The following ODAD2 variants were observed in gnomAD, a reference collection of about 807,000 sequenced individuals.
ODAD2 encodes the protein outer dynein arm docking complex subunit 2.
Under a neutral mutation model 106.8 loss-of-function variants are expected in ODAD2, and 89 were observed. That is an observed-to-expected ratio of 0.83 (90% CI 0.70 to 0.99). ODAD2 has a LOEUF of 0.99. Ranked by LOEUF, ODAD2 falls within the 50% of genes least tolerant of loss-of-function variation. ODAD2 has a pLI of 0.00. For synonymous variants in ODAD2, 404 were observed against 436.2 expected (o/e 0.93, Z 0.92); for missense variants, 1,168 against 1,238.5 (o/e 0.94, Z 0.85).
intron 16 of ODAD2, among the ~76,000 whole-genome samples, chr10:27,919,478 T>C (rs951629868): frequency 6.6e-6 from 1 of 151,918 alleles, no homozygotes; most frequent in African/African-American, 2.4e-5. Context: ...AGAGAAACAA[T>C]CCAATTAAAA....
chr10:27,908,875 T>C (rs962170959), intron 16 of ODAD2, among the ~76,000 whole-genome samples: 2 of 152,264 alleles, frequency 1.3e-5, no homozygotes, highest in East Asian at 1.9e-4. Flanking sequence ...AAATAGCCGA[T>C]AGTAAGATAA....
intron 16 of ODAD2, among the ~76,000 whole-genome samples, chr10:27,908,322 C>A (rs1206555171): frequency 6.6e-6 from 1 of 152,174 alleles, no homozygotes; most frequent in Non-Finnish European, 1.5e-5. Flanking sequence ...CCCTTCCCAG[C>A]AAGACTAACA....
rs74943085 is a variant in ODAD2 at position 27,977,198 on chromosome 10, A to G, written c.936+4268T>C. ...TTGGAAAAGCGTTATAAAACACTATAAGGAAAAAATAAGTTGGACTGTTTC... is the reference window on the plus strand; with the variant it reads ...TTGGAAAAGCGTTATAAAACACTATGAGGAAAAAATAAGTTGGACTGTTTC... On this transcript the variant is annotated intron_variant, in intron 7 of 19. Transcript: ENST00000305242. 2.0e-3 allele frequency among the ~76,000 whole-genome samples: 308 copies of G among 152,264 alleles called. 2 individuals carry two copies. The highest frequency in any genetic ancestry group is 7.1e-3 in the African/African-American group (295 of 41,552).
intron 10 of ODAD2, among the ~76,000 whole-genome samples, chr10:27,949,017 A>T (rs777116368): frequency 6.6e-6 from 1 of 152,128 alleles, no homozygotes; most frequent in African/African-American, 2.4e-5. Flanking sequence ...TTCAAATAAA[A>T]TATTTGAAAT....
At chr10:27,896,443 T>C (rs536541378) in intron 17 of ODAD2, among the ~76,000 whole-genome samples, 1 of 152,298 alleles carries the variant, frequency 6.6e-6, no homozygotes, top group East Asian at 1.9e-4. Flanking sequence ...AGTACATAGA[T>C]TGATAGGTAA....
At chr10:27,875,397 A>G (rs1195204415) in intron 17 of ODAD2, among the ~76,000 whole-genome samples, 1 of 152,074 alleles carries the variant, frequency 6.6e-6, no homozygotes, top group Non-Finnish European at 1.5e-5. Context: ...GTTGCTGGAG[A>G]GGAGCTGCGT....
intron 14 of ODAD2, among the ~76,000 whole-genome samples, chr10:27,937,191 G>A (rs1046128677): frequency 6.6e-6 from 1 of 152,140 alleles, no homozygotes; most frequent in African/African-American, 2.4e-5. Context: ...CACTAGCAAG[G>A]AATGGAGGAT....
chr10:27,986,001 A>G (rs1849853420), intron 3 of ODAD2, among the ~76,000 whole-genome samples: 2 of 152,084 alleles, frequency 1.3e-5, no homozygotes, highest in African/African-American at 4.8e-5. Context: ...ATGCATTGAG[A>G]TGGGGGTGGA....
rs574516364 is a variant in ODAD2, at chr10:27,949,786, T to C, written c.1387-4824A>G. Among the ~76,000 whole-genome samples, 271 of 152,244 alleles carry C rather than the reference T, an allele frequency of 1.8e-3. 1 individual carries two copies. Among genetic ancestry groups the C allele is most frequent in the Non-Finnish European group, 3.0e-3 (204 of 68,026 alleles). ...CAAGCGTGGATGGATGCAGTCAGGT[T>C]ACTGCAGGGATCCAGAGAATAGAAG... On this transcript the variant is annotated intron_variant, in intron 10 of 19. Coordinates refer to ENST00000305242, the MANE Select transcript of ODAD2 (RefSeq NM_018076.5).
intron 19 of ODAD2, among the ~76,000 whole-genome samples, chr10:27,833,800 T>C (rs1281203479): frequency 6.6e-6 from 1 of 152,154 alleles, no homozygotes; most frequent in Non-Finnish European, 1.5e-5. Flanking sequence ...GTTGTTACAA[T>C]TGGGAAGAAG....
chr10:27,848,444 A>G (rs1489314744), intron 19 of ODAD2, among the ~76,000 whole-genome samples: 1 of 151,326 alleles, frequency 6.6e-6, no homozygotes, highest in Non-Finnish European at 1.5e-5. Context: ...AAGACCTAAA[A>G]CCATACAAAC....
chr10:27,980,303 A>C (rs1294552282), intron 7 of ODAD2, among the ~76,000 whole-genome samples: 6 of 152,182 alleles, frequency 3.9e-5, no homozygotes, highest in African/African-American at 1.4e-4. Context: ...TAGGTAAAAA[A>C]TAGGTAAGAA....
At chr10:27,903,394 C>T (rs1843351962) in intron 17 of ODAD2, among the ~76,000 whole-genome samples, 1 of 152,148 alleles carries the variant, frequency 6.6e-6, no homozygotes, top group African/African-American at 2.4e-5. Context: ...CAGCACAAGA[C>T]AAGGATGCCC....
chr10:27,936,998 A>T (rs1846030065), intron 14 of ODAD2, 118 bp from the exon 15 acceptor site: 1 of 929,700 alleles, frequency 1.1e-6, no homozygotes, highest in Non-Finnish European at 1.6e-6. Context: ...ATCATTTTCG[A>T]AAGATGCCTC....
intron 17 of ODAD2, among the ~76,000 whole-genome samples, chr10:27,875,978 C>A (rs1222017656): frequency 6.6e-6 from 1 of 152,176 alleles, no homozygotes; most frequent in Non-Finnish European, 1.5e-5. Flanking sequence ...TGAATTGCAA[C>A]ATGGCAGCGA....
rs544862018 is a variant in ODAD2 at position 27,845,938 on chromosome 10, T to C, written c.3021+14687A>G. ...ATTCATAAAGCAAGTCCTTAGAGAC[T>C]TACAAAGAGACTTAGGCTCCCACAC... On this transcript the variant is annotated intron_variant, in intron 19 of 19. Transcript: ENST00000305242. 6.0e-4 allele frequency among the ~76,000 whole-genome samples: 92 copies of C among 152,208 alleles called. 1 individual carries two copies. The highest frequency in any genetic ancestry group is 1.7e-3 in the African/African-American group (71 of 41,530).
At position 27,907,540 on chromosome 10, in the gene ODAD2, C is replaced by T. The variant is rs74127147; in HGVS notation, c.2610+123G>A. Reference sequence around the variant, plus strand: ...AAATTATTTTGGCATAAACATTGTGCAACCCTCTCCCACCAGATAAATCTG... The same window carrying T: ...AAATTATTTTGGCATAAACATTGTGTAACCCTCTCCCACCAGATAAATCTG... On this transcript the variant is annotated intron_variant, in intron 17 of 19. Transcript: ENST00000305242. 0.014 allele frequency: 8,438 copies of T among 595,252 alleles called. 538 individuals are homozygous for T. The highest frequency in any genetic ancestry group is 0.14 in the African/African-American group (7,549 of 54,338). 36.9% of individuals were successfully genotyped at this position (595,252 alleles called of 1,614,324 possible). A position where few individuals can be genotyped will look rare whatever the true frequency, so the allele number is the denominator to read the frequency against.
intron 16 of ODAD2, among the ~76,000 whole-genome samples, chr10:27,917,371 CTG>C (rs1390721067): frequency 1.3e-5 from 2 of 152,046 alleles, no homozygotes; most frequent in African/African-American, 2.4e-5. Context: ...GAGGCTAAAA[CTG>C]TGCTTAAAGA....
intron 17 of ODAD2, chr10:27,904,326 C>A: frequency 6.3e-6 from 2 of 317,776 alleles, no homozygotes; most frequent in Non-Finnish European, 6.5e-6. Flanking sequence ...GGGAACATGG[C>A]GTCATGGCAG....
Sources: gnomAD v4.1 joint callset for allele counts (sites outside exome capture counted in the v4.1 genomes callset) on GRCh38, gnomAD v4.1.1 for gene constraint, MANE v1.5 for transcripts, NCBI Gene and HGNC (gene_info 2026-07-23, HGNC 2026-07-21) for gene names.